Variants in CFAP97 observed in about 807,000 individuals in gnomAD.
CFAP97 encodes cilia and flagella associated protein 97, also known as cilia- and flagella-associated protein 97.
CFAP97 carries 36 observed loss-of-function variants against 43.1 expected under a neutral mutation model. The observed-to-expected ratio is 0.84, with a 90% CI of 0.64 to 1.10. The LOEUF is 1.10. Among genes scored for constraint, CFAP97 ranks in the 50% least tolerant of loss-of-function variants. The pLI is 0.00. For synonymous variants in CFAP97, 228 were observed against 225.7 expected (o/e 1.01, Z -0.09); for missense variants, 657 against 620.3 (o/e 1.06, Z -0.63).
intron 2 of CFAP97, among the ~76,000 whole-genome samples, chr4:185,179,327 T>C (rs1382350571): frequency 1.3e-5 from 2 of 152,082 alleles, no homozygotes; most frequent in East Asian, 3.9e-4. Flanking sequence ...AAATTAAAGA[T>C]TATTATAATT....
chr4:185,204,009 G>A (rs1177734974), upstream of CFAP97: 1 of 151,240 alleles, frequency 6.6e-6, no homozygotes, highest in Non-Finnish European at 1.5e-5. Context: ...AGAGCGGAAA[G>A]GGAAAGGAGG....
intron 1 of CFAP97, among the ~76,000 whole-genome samples, chr4:185,197,770 A>G (rs954411902): frequency 6.6e-6 from 1 of 152,172 alleles, no homozygotes; most frequent in Non-Finnish European, 1.5e-5. Context: ...TCCAACTCCC[A>G]TCCCTTAGAA....
At chr4:185,204,716 A>C (rs1359575868), upstream of CFAP97, among the ~76,000 whole-genome samples, 1 of 152,194 alleles carries the variant, frequency 6.6e-6, no homozygotes, top group East Asian at 1.9e-4. Flanking sequence ...AGGTCCTTAT[A>C]AGATGGAGAC....
chr4:185,184,213 T>A (rs1307126846), intron 2 of CFAP97, among the ~76,000 whole-genome samples: 1 of 152,174 alleles, frequency 6.6e-6, no homozygotes, highest in Non-Finnish European at 1.5e-5. Context: ...CAAATCTGCA[T>A]TTTAACAGTA....
In CFAP97 at chr4:185,176,001, G is replaced by C. The variant is rs1423307759; in HGVS notation, c.1105C>G (p.Pro369Ala). ...TAGTTTTTCCCGGGTGCTACTGAAG[G>C]CTGATCAAAGTGATGTTTTTGTGGT... ...KGPQKHHFDQ[P>A]SVAPGKNYSF... is the part of the protein sequence containing the mutation. The change falls in exon 3 of 5, where the codon CCT becomes GCT. Residue 369 changes from proline (P) to alanine (A), a missense_variant. Pro to Ala is a conservative substitution (Grantham distance 27). Transcript: ENST00000458385. 2 of 1,612,768 alleles carry C rather than the reference G, an allele frequency of 1.2e-6. No individual in the cohort carries two copies. The highest frequency in any genetic ancestry group is 1.1e-5 in the South Asian group (1 of 90,860).
At chr4:185,203,436 AT>A (rs1737006002) in intron 1 of CFAP97, among the ~76,000 whole-genome samples, 1 of 152,146 alleles carries the variant, frequency 6.6e-6, no homozygotes. Flanking sequence ...AAGATGCCCA[AT>A]TGGGTACATG....
At position 185,190,667 on chromosome 4, in the gene CFAP97, AAAGAGGAGGAGG is replaced by A; in HGVS notation, c.518_529del (p.Ser173_Ser176del). On this transcript the variant is annotated inframe_deletion, in exon 2 of 5. Transcript: ENST00000458385. ...ACCTGAACCTGAAGATGAGGAAGAT[AAAGAGGAGGAGG>A]AAGAGGAGCTAACTTTGCAATACTT... is the stretch of plus-strand genomic sequence containing the variant. The A allele has an allele frequency of 6.3e-7, 1 of 1,578,320 alleles. No individual in the cohort carries two copies. The highest frequency in any genetic ancestry group is 8.6e-7 in the Non-Finnish European group (1 of 1,160,810).
upstream of CFAP97, among the ~76,000 whole-genome samples, chr4:185,205,471 G>C (rs777395400): frequency 6.6e-6 from 1 of 151,548 alleles, no homozygotes; most frequent in Non-Finnish European, 1.5e-5. Flanking sequence ...AAAAAAGCAA[G>C]AATTTCACTT....
chr4:185,165,975 G>C (rs1735054536), intron 3 of CFAP97, among the ~76,000 whole-genome samples: 1 of 152,154 alleles, frequency 6.6e-6, no homozygotes, highest in Admixed American at 6.6e-5. Context: ...AGGAGGCTTG[G>C]AGGCAAACAG....
upstream of CFAP97, among the ~76,000 whole-genome samples, chr4:185,206,314 G>A (rs139470161): frequency 6.6e-6 from 1 of 152,322 alleles, no homozygotes; most frequent in African/African-American, 2.4e-5. Context: ...ATATTATTCA[G>A]CCCATGACTT....
chr4:185,193,130 G>A (rs981893784), intron 1 of CFAP97, among the ~76,000 whole-genome samples: 11 of 152,238 alleles, frequency 7.2e-5, no homozygotes, highest in Non-Finnish European at 8.8e-5. Context: ...AAAGAGCCTG[G>A]ATCAGCTTAT....
chr4:185,201,121 G>A (rs1414791625), intron 1 of CFAP97, among the ~76,000 whole-genome samples: 1 of 151,934 alleles, frequency 6.6e-6, no homozygotes, highest in African/African-American at 2.4e-5. Context: ...GTCAGAAGTT[G>A]AAGACCAGTC....
At chr4:185,169,649 A>G in intron 3 of CFAP97, 1 of 985,378 alleles carries the variant, frequency 1.0e-6, no homozygotes. Flanking sequence ...TGATGTTTAA[A>G]CAAATGTAAA....
intron 1 of CFAP97, among the ~76,000 whole-genome samples, chr4:185,198,852 C>A (rs1164185241): frequency 6.6e-6 from 1 of 151,582 alleles, no homozygotes; most frequent in Non-Finnish European, 1.5e-5. Context: ...TGCAGAAGAT[C>A]TAGCTAAGAG....
intron 2 of CFAP97, among the ~76,000 whole-genome samples, chr4:185,187,484 T>C (rs555076093): frequency 7.3e-6 from 1 of 136,662 alleles, no homozygotes; most frequent in African/African-American, 2.8e-5. Context: ...GCATGGGGAG[T>C]GTAAAGCTCC....
At chr4:185,196,713 T>C (rs1376652562) in intron 1 of CFAP97, among the ~76,000 whole-genome samples, 1 of 152,114 alleles carries the variant, frequency 6.6e-6, no homozygotes, top group African/African-American at 2.4e-5. Flanking sequence ...TATTAGACAG[T>C]GTCAAGTGTC....
intron 2 of CFAP97, among the ~76,000 whole-genome samples, chr4:185,181,320 CTTTTTTTTTTT>C (rs778362979): frequency 3.0e-5 from 3 of 99,182 alleles, no homozygotes; most frequent in African/African-American, 1.1e-4. Flanking sequence ...CATAATCATA[CTTTTTTTTTTT>C]TTTTTTTTTT....
chr4:185,180,439 T>G (rs1735737843), intron 2 of CFAP97, among the ~76,000 whole-genome samples: 2 of 152,166 alleles, frequency 1.3e-5, no homozygotes, highest in Admixed American at 6.5e-5. Flanking sequence ...CTCCCTTCCC[T>G]TCGCCTCTGG....
intron 3 of CFAP97, among the ~76,000 whole-genome samples, chr4:185,173,255 C>T (rs1285318221): frequency 6.6e-6 from 1 of 151,288 alleles, no homozygotes; most frequent in African/African-American, 2.4e-5. Flanking sequence ...CCCAGCTACT[C>T]AGGAGGCTGA....
Sources: gnomAD v4.1 joint callset for allele counts (sites outside exome capture counted in the v4.1 genomes callset) on GRCh38, gnomAD v4.1.1 for gene constraint, MANE v1.5 for transcripts, NCBI Gene and HGNC (gene_info 2026-07-23, HGNC 2026-07-21) for gene names.